Variants in SEPTIN9 observed in about 807,000 individuals in gnomAD.
SEPTIN9 encodes the protein septin-9.
SEPTIN9 carries 13 observed loss-of-function variants against 56.6 expected under a neutral mutation model. The ratio of observed to expected loss-of-function variants is 0.23; its 90% CI spans 0.15 to 0.37. The LOEUF is 0.37. Ranked by LOEUF, SEPTIN9 falls within the 10% of genes least tolerant of loss-of-function variation. The pLI is 1.00. For synonymous variants in SEPTIN9, 332 were observed against 334.1 expected (o/e 0.99, Z 0.07); for missense variants, 650 against 823.1 (o/e 0.79, Z 2.57).
At chr17:77,288,566 C>A (rs954436395) in intron 1 of SEPTIN9, among the ~76,000 whole-genome samples, 1 of 152,262 alleles carries the variant, frequency 6.6e-6, no homozygotes, top group African/African-American at 2.4e-5. Context: ...GGCTTCCTTT[C>A]ACAGCCTTCC....
rs116259901 is a variant in SEPTIN9, at chr17:77,490,623, G to A, written c.1263-119G>A. 3,583 of 782,840 alleles carry A rather than the reference G, an allele frequency of 4.6e-3. 20 individuals are homozygous for A. Among genetic ancestry groups the A allele is most frequent in the Non-Finnish European group, 5.9e-3 (2,749 of 462,930 alleles). The allele number at this position is 782,840 out of a possible 1,614,324, so 48.5% of individuals were successfully genotyped here. On this transcript the variant is annotated intron_variant, in intron 7 of 11. Transcript: ENST00000427177. The stretch of plus-strand genomic sequence containing the variant: ...TCGGCCCGGGGCCCTGTCCTTGCCA[G>A]CAGGGACCCCCGTGAGCCCCGAGCC...
At chr17:77,338,682 G>A (rs1211391478) in intron 2 of SEPTIN9, among the ~76,000 whole-genome samples, 1 of 152,214 alleles carries the variant, frequency 6.6e-6, no homozygotes, top group Admixed American at 6.5e-5. Context: ...GCCTCCCAAA[G>A]TGCTGGGATT....
intron 2 of SEPTIN9, among the ~76,000 whole-genome samples, chr17:77,354,794 A>T (rs1303631412): frequency 6.6e-6 from 1 of 151,988 alleles, no homozygotes; most frequent in Non-Finnish European, 1.5e-5. Context: ...TGCAATCGTG[A>T]CGCCTGCTTG....
intron 10 of SEPTIN9, chr17:77,493,291 C>CG: frequency 1.8e-6 from 1 of 568,756 alleles, no homozygotes; most frequent in Non-Finnish European, 3.2e-6. Context: ...GACCTCCCCC[C>CG]GGGCAGGGAA....
In SEPTIN9 at chr17:77,475,695, A is replaced by T. The variant is rs979912395; in HGVS notation, c.722-6449A>T. ...CTGGGCCCACGCTGGGCCGGGGTGGATGGAGGCAAGGAAGTCTTCGCCGGG... is the reference window on the plus strand; with the variant it reads ...CTGGGCCCACGCTGGGCCGGGGTGGTTGGAGGCAAGGAAGTCTTCGCCGGG... On this transcript the variant is annotated intron_variant, in intron 3 of 11. Coordinates refer to ENST00000427177, the MANE Select transcript of SEPTIN9 (RefSeq NM_001113491.2). This position sits in a 1 kb window ranked among gnomAD's most constrained non-coding sequence, Gnocchi z 4.6. The T allele has an allele frequency of 6.2e-7, 1 of 1,613,460 alleles. No homozygotes were observed. Among genetic ancestry groups the T allele is most frequent in the East Asian group, 2.2e-5 (1 of 44,882 alleles).
chr17:77,343,011 A>ATCTG (rs2033784591), intron 2 of SEPTIN9, among the ~76,000 whole-genome samples: 1 of 94,500 alleles, frequency 1.1e-5, no homozygotes, highest in South Asian at 3.0e-4. Flanking sequence ...CTGTCTATCT[A>ATCTG]TCTATCTATC....
intron 2 of SEPTIN9, among the ~76,000 whole-genome samples, chr17:77,358,158 C>T (rs1479903172): frequency 2.6e-5 from 4 of 152,312 alleles, no homozygotes; most frequent in East Asian, 3.9e-4. Context: ...AATGTCCCCA[C>T]GGGGTCTGCA....
intron 3 of SEPTIN9, among the ~76,000 whole-genome samples, chr17:77,430,981 A>G (rs2037107909): frequency 6.9e-6 from 1 of 145,108 alleles, no homozygotes; most frequent in African/African-American, 2.7e-5. Context: ...ACAGAGCAAT[A>G]CTCCGTATCA....
At position 77,287,883 on chromosome 17, in the gene SEPTIN9, T is replaced by A. The variant is rs1375016724; in HGVS notation, c.19+6329T>A. 6 of 1,032,886 alleles carry A rather than the reference T, an allele frequency of 5.8e-6. No homozygotes were observed. The African/African-American group carries it at 1.0e-4, about 17-fold the overall frequency. The allele number at this position is 1,032,886 out of a possible 1,614,324, so 64.0% of individuals were successfully genotyped here. On this transcript the variant is annotated intron_variant, in intron 1 of 11. Coordinates refer to ENST00000427177, the MANE Select transcript of SEPTIN9 (RefSeq NM_001113491.2). ...GCAGGGAATGTAAGATGATCCCAGC[T>A]TCAAGTCACTGGGCGGCCCTTAGAC...
intron 3 of SEPTIN9, among the ~76,000 whole-genome samples, chr17:77,461,915 C>T (rs575703033): frequency 1.3e-5 from 2 of 152,240 alleles, no homozygotes; most frequent in South Asian, 2.1e-4. Flanking sequence ...CCAGGAAAAG[C>T]GCATGTGTCA....
At position 77,371,222 on chromosome 17, in the gene SEPTIN9, G is replaced by A. The variant is rs1000831329; in HGVS notation, c.77-30837G>A. ...AGGGGCAGTGGCTGGGGCTGGAGCCGGTGGGCTCTGAGCACAGTCACGAAG... is the reference window on the plus strand; with the variant it reads ...AGGGGCAGTGGCTGGGGCTGGAGCCAGTGGGCTCTGAGCACAGTCACGAAG... On this transcript the variant is annotated intron_variant, in intron 2 of 11. Transcript: ENST00000427177. This position sits in a 1 kb window ranked among gnomAD's most constrained non-coding sequence, Gnocchi z 4.1. Among the ~76,000 whole-genome samples the A allele has an allele frequency of 7.2e-5, 11 of 152,310 alleles. No homozygotes were observed. Among genetic ancestry groups the A allele is most frequent in the South Asian group, 2.1e-4 (1 of 4,822 alleles).
chr17:77,354,380 G>A (rs1026120202), intron 2 of SEPTIN9, among the ~76,000 whole-genome samples: 3 of 152,182 alleles, frequency 2.0e-5, no homozygotes, highest in Non-Finnish European at 4.4e-5. Context: ...CAGGCCTTGA[G>A]CTGGTTGGGG....
Position 77,435,382 on chromosome 17 carries a change from T to G in SEPTIN9, c.721+32679T>G, listed in dbSNP as rs942211963. 3.3e-5 allele frequency among the ~76,000 whole-genome samples: 5 copies of G among 152,122 alleles called. No individual in the cohort carries two copies. Among genetic ancestry groups the G allele is most frequent in the African/African-American group, 1.2e-4 (5 of 41,434 alleles). On this transcript the variant is annotated intron_variant, in intron 3 of 11. Transcript: ENST00000427177. This position sits in a 1 kb window ranked among gnomAD's most constrained non-coding sequence, Gnocchi z 4.5. ...CCCATGCCCTGATTCTGTGGCTTCT[T>G]GAGGTGGCTCACCCCTAAACACGCC...
At chr17:77,410,783 C>T (rs1378153541) in intron 3 of SEPTIN9, among the ~76,000 whole-genome samples, 1 of 152,186 alleles carries the variant, frequency 6.6e-6, no homozygotes, top group Non-Finnish European at 1.5e-5. Context: ...TCTGAAGCCC[C>T]TGGGCAGCAC....
At chr17:77,285,934 G>A (rs563786243) in intron 1 of SEPTIN9, among the ~76,000 whole-genome samples, 1 of 152,352 alleles carries the variant, frequency 6.6e-6, no homozygotes, top group African/African-American at 2.4e-5. Flanking sequence ...CACCCTCAGA[G>A]AACACTTCCC....
Position 77,475,681 on chromosome 17 carries a change from C to G in SEPTIN9, c.722-6463C>G, listed in dbSNP as rs1465821694. The G allele has an allele frequency of 1.9e-6, 3 of 1,613,738 alleles. No individual in the cohort carries two copies. The highest frequency in any genetic ancestry group is 2.7e-5 in the African/African-American group (2 of 75,054). ...AAGTAAGGAGACTGCTGGGCCCACGCTGGGCCGGGGTGGATGGAGGCAAGG... is the reference window on the plus strand; with the variant it reads ...AAGTAAGGAGACTGCTGGGCCCACGGTGGGCCGGGGTGGATGGAGGCAAGG... On this transcript the variant is annotated intron_variant, in intron 3 of 11. Coordinates refer to ENST00000427177, the MANE Select transcript of SEPTIN9 (RefSeq NM_001113491.2). This position sits in a 1 kb window ranked among gnomAD's most constrained non-coding sequence, Gnocchi z 4.6.
At chr17:77,446,755 AAC>A (rs1396969162) in intron 3 of SEPTIN9, 1 of 167,132 alleles carries the variant, frequency 6.0e-6, no homozygotes, top group East Asian at 1.9e-4. Flanking sequence ...CACATGAGGT[AAC>A]ACAGTTTGGG....
chr17:77,484,938 T>A lies in SEPTIN9; in HGVS notation c.914-2486T>A, dbSNP rs200937582. Among the ~76,000 whole-genome samples, 41 of 11,304 alleles carry A rather than the reference T, an allele frequency of 3.6e-3. 1 individual carries two copies. Among genetic ancestry groups the A allele is most frequent in the Admixed American group, 6.8e-3 (8 of 1,174 alleles). 7.4% of individuals were successfully genotyped at this position (11,304 alleles called of 152,430 possible). A position where few individuals can be genotyped will look rare whatever the true frequency, so the allele number is the denominator to read the frequency against. On this transcript the variant is annotated intron_variant, in intron 4 of 11. Transcript: ENST00000427177. ...ATGGTGGTGATTGTGATGGTGGTGA[T>A]GGGAGTGATGCTGGTGATTGTGGTG...
intron 3 of SEPTIN9, among the ~76,000 whole-genome samples, chr17:77,481,174 A>G (rs944103866): frequency 6.6e-6 from 1 of 152,196 alleles, no homozygotes; most frequent in Admixed American, 6.5e-5. Flanking sequence ...CCCCAGCCCC[A>G]GGCCTCTGAC....
Sources: allele counts gnomAD v4.1 joint callset (sites outside exome capture counted in the v4.1 genomes callset), GRCh38; gene constraint gnomAD v4.1.1; non-coding constraint Gnocchi (gnomAD v3.1); transcripts MANE v1.5; gene names NCBI Gene and HGNC (gene_info 2026-07-23, HGNC 2026-07-21).